PYGL: variants seen among roughly 807,000 people sequenced by gnomAD.
PYGL encodes the protein glycogen phosphorylase, liver form.
A neutral mutation model predicts 100.1 loss-of-function variants in PYGL; 90 were observed. The observed-to-expected ratio is 0.90, with a 90% CI of 0.76 to 1.07. The LOEUF is 1.07. Ranked by LOEUF, PYGL falls within the 50% of genes least tolerant of loss-of-function variation. PYGL has a pLI of 0.00. For missense variants in PYGL, 1,016 were observed against 1,057.6 expected, an observed-to-expected ratio of 0.96 and a Z score of 0.55; for synonymous variants, 373 against 393.0, an observed-to-expected ratio of 0.95 and a Z score of 0.60.
intron 5 of PYGL, among the ~76,000 whole-genome samples, chr14:50,922,379 G>A (rs1180189294): frequency 2.6e-5 from 4 of 152,062 alleles, no homozygotes; most frequent in South Asian, 2.1e-4. Flanking sequence ...TGATCACCGC[G>A]ACCTCAAAGT....
In PYGL at chr14:50,931,587, T is replaced by G. The variant is rs150468303; in HGVS notation, c.528+86A>C. On this transcript the variant is annotated intron_variant, in intron 4 of 19. Transcript: ENST00000216392. ...CCAGAGAAATTAGTACAGCTCTATGTTAAAGGTCCATATATTATAAATCAT... is the reference window on the plus strand; with the variant it reads ...CCAGAGAAATTAGTACAGCTCTATGGTAAAGGTCCATATATTATAAATCAT... 2.4e-6 allele frequency: 3 copies of G among 1,246,140 alleles called. No homozygotes were observed. The African/African-American group carries it at 4.4e-5, about 18-fold the overall frequency. The allele number at this position is 1,246,140 out of a possible 1,614,324, so 77.2% of individuals were successfully genotyped here.
In PYGL at chr14:50,944,427, CG is replaced by C; in HGVS notation, c.-25del. ...ATGGCTGGGGCGGCGGGCTGCGCGG[CG>C]GGCTGCGCAGAGAGCTGGAAGTGCG... On this transcript the variant is annotated 5_prime_UTR_variant, in exon 1 of 20. Coordinates refer to ENST00000216392, the MANE Select transcript of PYGL (RefSeq NM_002863.5). 2.5e-6 allele frequency: 4 copies of C among 1,589,174 alleles called. No individual in the cohort carries two copies. Among genetic ancestry groups the C allele is most frequent in the Non-Finnish European group, 3.4e-6 (4 of 1,170,914 alleles).
chr14:50,930,372 T>C (rs1167048000), intron 4 of PYGL, among the ~76,000 whole-genome samples: 1 of 152,222 alleles, frequency 6.6e-6, no homozygotes, highest in Admixed American at 6.5e-5. Flanking sequence ...CTCATAAAAG[T>C]AATCAGGTCT....
At chr14:50,943,403 T>C (rs2139204909) in intron 1 of PYGL, among the ~76,000 whole-genome samples, 1 of 152,268 alleles carries the variant, frequency 6.6e-6, no homozygotes, top group South Asian at 2.1e-4. Context: ...CCCCACGCCG[T>C]GGATGGAGGT....
intron 7 of PYGL, among the ~76,000 whole-genome samples, chr14:50,919,852 T>G (rs2139177531): frequency 6.6e-6 from 1 of 152,270 alleles, no homozygotes; most frequent in East Asian, 1.9e-4. Flanking sequence ...TGGCTAATTT[T>G]TTTGTATTTT....
intron 3 of PYGL, among the ~76,000 whole-genome samples, chr14:50,933,020 C>T (rs770961878): frequency 4.6e-5 from 7 of 152,180 alleles, no homozygotes; most frequent in Non-Finnish European, 1.0e-4. Flanking sequence ...TCGGCTTTTC[C>T]TGAGTCCTGA....
chr14:50,911,426 T>C (rs1010239628), intron 16 of PYGL, among the ~76,000 whole-genome samples: 2 of 152,372 alleles, frequency 1.3e-5, no homozygotes, highest in African/African-American at 4.8e-5. Context: ...ACCTTTCCTC[T>C]GTTTTATAGA....
chr14:50,932,620 T>G (rs758783534), intron 3 of PYGL, among the ~76,000 whole-genome samples: 5 of 152,224 alleles, frequency 3.3e-5, no homozygotes, highest in Non-Finnish European at 7.3e-5. Flanking sequence ...CACATGTCCT[T>G]TTTGATTGAA....
At chr14:50,930,281 T>C (rs149942380) in intron 4 of PYGL, among the ~76,000 whole-genome samples, 1 of 152,334 alleles carries the variant, frequency 6.6e-6, no homozygotes, top group African/African-American at 2.4e-5. Context: ...TTATAATAAT[T>C]CTGTAGAGTT....
At position 50,916,681 on chromosome 14, in the gene PYGL, C is replaced by T. The variant is rs1195478135; in HGVS notation, c.1053G>A (p.Met351Ile). 1.2e-6 allele frequency: 2 copies of T among 1,614,092 alleles called. No homozygotes were observed. Among genetic ancestry groups the T allele is most frequent in the Admixed American group, 1.7e-5 (1 of 60,010 alleles). Residue 351 changes from methionine to isoleucine, a missense_variant, in exon 9 of 20, where the codon ATG becomes ATA. Transcript: ENST00000216392. ...GTTTTTCAATATCCACAAAAATCCTCATCAGCTCAGGGATCGCGAGTGCAG... is the reference window on the plus strand; with the variant it reads ...GTTTTTCAATATCCACAAAAATCCTTATCAGCTCAGGGATCGCGAGTGCAG... ...THPALAIPELMRIFVDIEKLP... is the reference protein window; with the variant it reads ...THPALAIPELIRIFVDIEKLP...
At position 50,911,788 on chromosome 14, in the gene PYGL, A is replaced by C. The variant is rs1258626389; in HGVS notation, c.1911T>G (p.Val637=). The change falls in exon 16 of 20, where the codon GTT becomes GTG. Residue 637 remains valine, a synonymous_variant. Transcript: ENST00000216392. ...AGAAGATGACTTTCAACTTGCTTCC[A>C]ACCATAGGGTCATTGTTCACCACAT... The part of the protein sequence containing the change: ...VADVVNNDPM[V]GSKLKVIFLE... 1.9e-6 allele frequency: 3 copies of C among 1,614,106 alleles called. No homozygotes were observed. The African/African-American group carries it at 4.0e-5, about 22-fold the overall frequency.
chr14:50,915,529 G>C, intron 10 of PYGL, 30 bp from the exon 11 acceptor site: 1 of 1,613,362 alleles, frequency 6.2e-7, no homozygotes, highest in Non-Finnish European at 8.5e-7. Context: ...GCCCTTGCTG[G>C]TCACTCAGGT....
rs2050495429 is a variant in PYGL at position 50,921,014 on chromosome 14, AGT to A, written c.712_713del (p.Thr238CysfsTer14). ...CAGACCAGAGGCGCATGGTGTTGAC[AGT>A]GTTATTCATGTAGCCGGGCACGGGG... ...DTPVPGYMNN[T>X]VNTMRLWSAR... On this transcript the variant is annotated frameshift_variant, in exon 6 of 20. Coordinates refer to ENST00000216392, the MANE Select transcript of PYGL (RefSeq NM_002863.5). LOFTEE classifies it high-confidence loss of function. 2.5e-6 allele frequency: 4 copies of A among 1,614,244 alleles called. No homozygotes were observed. The East Asian group carries it at 8.9e-5, about 36-fold the overall frequency.
chr14:50,940,213 C>A (rs1206962979), intron 1 of PYGL, among the ~76,000 whole-genome samples: 4 of 152,116 alleles, frequency 2.6e-5, no homozygotes, highest in Non-Finnish European at 4.4e-5. Context: ...CATAGTATTA[C>A]CCAGTTTAAA....
At chr14:50,911,947 C>A in intron 15 of PYGL, 31 bp downstream of exon 15, 3 of 1,612,986 alleles carry the variant, frequency 1.9e-6, no homozygotes, top group Non-Finnish European at 2.5e-6. Context: ...GATTAGAGCC[C>A]TCAAGTCCCC....
rs1285568836 is a variant in PYGL, at chr14:50,921,078, A to T, written c.661-11T>A. On this transcript the variant is annotated splice_polypyrimidine_tract_variant and intron_variant, in intron 5 of 19. Transcript: ENST00000216392. ...CAGAGCCAGGACCACCTGTGGGATT[A>T]AACAGAAGCAGCTGCTCATTGTTTC... 6.3e-7 allele frequency: 1 copy of T among 1,589,600 alleles called. No homozygotes were observed. The highest frequency in any genetic ancestry group is 1.1e-5 in the South Asian group (1 of 90,526).
At chr14:50,924,166 A>G (rs993007403) in intron 4 of PYGL, 66 bp from the exon 5 acceptor site, 9 of 1,535,202 alleles carry the variant, frequency 5.9e-6, no homozygotes, top group Admixed American at 3.4e-5. Flanking sequence ...CACTTCAATT[A>G]TATTATATTA....
chr14:50,941,299 G>A (rs991103784), intron 1 of PYGL, among the ~76,000 whole-genome samples: 2 of 151,978 alleles, frequency 1.3e-5, no homozygotes, highest in African/African-American at 2.4e-5. Flanking sequence ...GACCACAGGC[G>A]CTAAAAATTA....
At chr14:50,932,144 C>G (rs2050606965) in intron 3 of PYGL, among the ~76,000 whole-genome samples, 1 of 152,178 alleles carries the variant, frequency 6.6e-6, no homozygotes, top group South Asian at 2.1e-4. Flanking sequence ...GAAGCTGTCT[C>G]TATCCTCCCC....
Sources: allele counts gnomAD v4.1 joint callset (sites outside exome capture counted in the v4.1 genomes callset), GRCh38; gene constraint gnomAD v4.1.1; transcripts MANE v1.5; gene names NCBI Gene and HGNC (gene_info 2026-07-23, HGNC 2026-07-21).